USP33: variants seen among roughly 807,000 people sequenced by gnomAD.
USP33 encodes ubiquitin specific peptidase 33, also known as ubiquitin carboxyl-terminal hydrolase 33.
In USP33, 46 loss-of-function variants were observed where a neutral mutation model predicts 124.2. That is an observed-to-expected ratio of 0.37 (90% CI 0.29 to 0.47). USP33 has a LOEUF of 0.47. Ranked by LOEUF, USP33 falls within the 20% of genes least tolerant of loss-of-function variation. USP33 has a pLI of 0.99. For missense variants in USP33, 851 were observed against 1,070.6 expected (o/e 0.79, Z 2.86); for synonymous variants, 350 against 352.3 (o/e 0.99, Z 0.07).
At chr1:77,735,723 G>A (rs1388978662) in intron 6 of USP33, among the ~76,000 whole-genome samples, 2 of 152,160 alleles carry the variant, frequency 1.3e-5, no homozygotes, top group African/African-American at 4.8e-5. Flanking sequence ...CGGAACTTCT[G>A]CTAAGGGAAT....
At chr1:77,705,060 C>A (rs1175350719) in intron 21 of USP33, among the ~76,000 whole-genome samples, 1 of 144,640 alleles carries the variant, frequency 6.9e-6, no homozygotes, top group Non-Finnish European at 1.5e-5. Context: ...TTCCAATCCA[C>A]TAAGGGCACC....
chr1:77,715,338 C>T (rs937968552), intron 18 of USP33, among the ~76,000 whole-genome samples: 2 of 152,080 alleles, frequency 1.3e-5, no homozygotes, highest in Non-Finnish European at 2.9e-5. Context: ...TCCCCAGTAG[C>T]TGGGATTACA....
chr1:77,732,355 CTT>C (rs1480785502), intron 7 of USP33, among the ~76,000 whole-genome samples: 1 of 152,134 alleles, frequency 6.6e-6, no homozygotes, highest in Non-Finnish European at 1.5e-5. Flanking sequence ...TTCCTTCACT[CTT>C]TTCCTACCAC....
chr1:77,752,760 G>GA (rs763948125), intron 1 of USP33, among the ~76,000 whole-genome samples: 1 of 152,122 alleles, frequency 6.6e-6, no homozygotes, highest in South Asian at 2.1e-4. Flanking sequence ...AGTTTTTAAA[G>GA]AAAAATTAAA....
At chr1:77,698,743 A>T (rs967244776) in intron 22 of USP33, among the ~76,000 whole-genome samples, 1 of 150,162 alleles carries the variant, frequency 6.7e-6, no homozygotes, top group Non-Finnish European at 1.5e-5. Context: ...CTCGTGATCC[A>T]CCCCCCTCGG....
At chr1:77,739,232 T>G (rs749649561) in intron 5 of USP33, 33 bp downstream of exon 5, 36 of 1,579,710 alleles carry the variant, frequency 2.3e-5, no homozygotes, top group Non-Finnish European at 2.9e-5. Context: ...CCGGAATGTT[T>G]TACAGCTTAA....
In USP33 at chr1:77,728,481, T is replaced by C. The variant is rs372231478; in HGVS notation, c.949A>G (p.Met317Val). Residue 317 changes from methionine (M) to valine (V), a missense_variant, in exon 10 of 24, where the codon ATG (methionine) becomes GTG (valine). Coordinates refer to ENST00000370794, the MANE Select transcript of USP33 (RefSeq NM_201624.3). ...CFSEDNNETT[M>V]LIQDDENNSE... ...TTGTTTTCATCATCCTGAATTAACA[T>C]TGTTGTTTCATTATTATCTTCAGAA... The C allele has an allele frequency of 1.3e-5, 21 of 1,613,994 alleles. No individual in the cohort carries two copies. The highest frequency in any genetic ancestry group is 8.9e-5 in the East Asian group (4 of 44,876).
At chr1:77,735,054 C>T (rs369362759) in intron 6 of USP33, among the ~76,000 whole-genome samples, 12 of 151,606 alleles carry the variant, frequency 7.9e-5, no homozygotes, top group Admixed American at 6.6e-5. Flanking sequence ...ACCCAGGAGG[C>T]GGAGCTTGCA....
At chr1:77,704,973 C>T (rs139094980) in intron 21 of USP33, among the ~76,000 whole-genome samples, 22 of 152,250 alleles carry the variant, frequency 1.4e-4, no homozygotes, top group African/African-American at 5.3e-4. Flanking sequence ...CCCACACAGT[C>T]ATTTCCTGTG....
chr1:77,726,727 AAACT>A (rs1277991649), intron 10 of USP33, among the ~76,000 whole-genome samples: 1 of 152,100 alleles, frequency 6.6e-6, no homozygotes, highest in Non-Finnish European at 1.5e-5. Flanking sequence ...TTATTCTCCC[AAACT>A]AACATAATAA....
Position 77,729,905 on chromosome 1 carries a change from T to C in USP33, c.672A>G (p.Gln224=). The C allele has an allele frequency of 6.2e-7, 1 of 1,613,914 alleles. No homozygotes were observed. Among genetic ancestry groups the C allele is most frequent in the Non-Finnish European group, 8.5e-7 (1 of 1,179,904 alleles). Residue 224 remains glutamine (Q), a synonymous_variant, in exon 9 of 24, where the codon CAA becomes CAG. Coordinates refer to ENST00000370794, the MANE Select transcript of USP33 (RefSeq NM_201624.3). ...ATGTTGGATTTACAGTTTTAATTCC[T>C]TGAAACAGAGTAGTAGGCACAACAG... ...PGSVVPTTLF[Q]GIKTVNPTFR... is the part of the protein sequence containing the mutation.
At chr1:77,698,147 C>A (rs569441350) in intron 22 of USP33, among the ~76,000 whole-genome samples, 2 of 150,186 alleles carry the variant, frequency 1.3e-5, no homozygotes, top group Admixed American at 1.3e-4. Context: ...CTCACTGCAA[C>A]CTCCGCCTTG....
At position 77,759,734 on chromosome 1, in the gene USP33, G is replaced by A. The variant is rs765959576; in HGVS notation, c.-143C>T. On this transcript the variant is annotated 5_prime_UTR_variant, in exon 1 of 24. Transcript: ENST00000370794. ...GCTCCTCTTTTCCTTCTCAGCTCTCGGAGAGGGGCAGTGTCGCGTCAGGAG... is the reference window on the plus strand; with the variant it reads ...GCTCCTCTTTTCCTTCTCAGCTCTCAGAGAGGGGCAGTGTCGCGTCAGGAG... The A allele has an allele frequency of 2.5e-6, 1 of 398,270 alleles. No homozygotes were observed. Among genetic ancestry groups the A allele is most frequent in the Non-Finnish European group, 4.4e-6 (1 of 225,824 alleles). 24.7% of individuals were successfully genotyped at this position (398,270 alleles called of 1,614,324 possible). A position where few individuals can be genotyped will look rare whatever the true frequency, so the allele number is the denominator to read the frequency against.
chr1:77,757,253 C>T (rs1215243837), intron 1 of USP33, among the ~76,000 whole-genome samples: 1 of 152,196 alleles, frequency 6.6e-6, no homozygotes, highest in African/African-American at 2.4e-5. Context: ...AAAAAATTGC[C>T]TCACTTGACT....
chr1:77,703,267 T>C (rs933267279), intron 21 of USP33, among the ~76,000 whole-genome samples: 3 of 152,208 alleles, frequency 2.0e-5, no homozygotes, highest in Admixed American at 6.5e-5. Context: ...CTATCTCCCT[T>C]ACCTCCTTTA....
intron 1 of USP33, among the ~76,000 whole-genome samples, chr1:77,758,198 T>TTG (rs1491411230): frequency 7.2e-6 from 1 of 139,336 alleles, no homozygotes; most frequent in Non-Finnish European, 1.5e-5. Context: ...TTTTTTTTTT[T>TTG]GAGACAGAGT....
At chr1:77,741,470 C>T (rs910035723) in intron 2 of USP33, 41 bp from the exon 3 acceptor site, 1 of 1,581,802 alleles carries the variant, frequency 6.3e-7, no homozygotes, top group African/African-American at 1.4e-5. Flanking sequence ...GTTATATTGA[C>T]ACAAACACAT....
intron 20 of USP33, among the ~76,000 whole-genome samples, chr1:77,712,739 T>C (rs1293459742): frequency 1.3e-5 from 2 of 151,922 alleles, no homozygotes; most frequent in Admixed American, 1.3e-4. Flanking sequence ...ACGCCTGTGA[T>C]CCCAGCTACT....
intron 1 of USP33, among the ~76,000 whole-genome samples, chr1:77,754,841 TTAA>T (rs1680656086): frequency 6.6e-6 from 1 of 152,226 alleles, no homozygotes. Context: ...ATTACCACTA[TTAA>T]TAATACCAAA....
Sources: allele counts gnomAD v4.1 joint callset (sites outside exome capture counted in the v4.1 genomes callset), GRCh38; gene constraint gnomAD v4.1.1; transcripts MANE v1.5; gene names NCBI Gene and HGNC (gene_info 2026-07-23, HGNC 2026-07-21).